VTI1A: variants seen among roughly 807,000 people sequenced by gnomAD.
The protein encoded by VTI1A is vesicle transport through interaction with t-SNAREs 1A.
A neutral mutation model predicts 34.9 loss-of-function variants in VTI1A; 22 were observed. The observed-to-expected ratio is 0.63, with a 90% confidence interval of 0.45 to 0.90. The LOEUF is 0.90. VTI1A is among the 40% of genes least tolerant of loss of function. The probability of loss-of-function intolerance (pLI) is 0.00; values close to 1 mark genes in which losing one functional copy is unlikely to be tolerated. For synonymous variants in VTI1A, 87 were observed against 97.3 expected, an observed-to-expected ratio of 0.89 and a Z score of 0.62; for missense variants, 268 against 275.6, an observed-to-expected ratio of 0.97 and a Z score of 0.20.
chr10:112,642,977 C>CTTTTTTT (rs58619611), intron 5 of VTI1A, among the ~76,000 whole-genome samples: 141 of 121,010 alleles, frequency 1.2e-3, no homozygotes, highest in Non-Finnish European at 1.5e-3. Flanking sequence ...TTTTTCTTTT[C>CTTTTTTT]TTTTTTTTTT....
chr10:112,476,698 G>T (rs1435689476), intron 3 of VTI1A, among the ~76,000 whole-genome samples: 1 of 152,134 alleles, frequency 6.6e-6, no homozygotes, highest in Admixed American at 6.5e-5. Flanking sequence ...TGGCCCTAGG[G>T]TTACAAAAGT....
At chr10:112,673,472 A>ACG in intron 7 of VTI1A, among the ~76,000 whole-genome samples, 1 of 151,530 alleles carries the variant, frequency 6.6e-6, no homozygotes, top group East Asian at 1.9e-4. Flanking sequence ...GCGCGCGCAC[A>ACG]CACACACACA....
chr10:112,622,807 G>A (rs7071099), intron 5 of VTI1A, among the ~76,000 whole-genome samples: 16,165 of 152,210 alleles, frequency 0.11, 932 homozygotes, highest in African/African-American at 0.13. Context: ...GAAGTAGATT[G>A]GTAGAAAGTT....
chr10:112,802,707 C>A (rs887312253), intron 7 of VTI1A, among the ~76,000 whole-genome samples: 5 of 152,160 alleles, frequency 3.3e-5, no homozygotes, highest in African/African-American at 1.2e-4. Flanking sequence ...GTTCAGATTT[C>A]TTGGAATGGA....
intron 4 of VTI1A, among the ~76,000 whole-genome samples, chr10:112,535,004 C>T (rs907191941): frequency 1.3e-5 from 2 of 152,128 alleles, no homozygotes; most frequent in African/African-American, 4.8e-5. Context: ...ACATTTTTGA[C>T]AGAAGATTTA....
chr10:112,650,558 A>G (rs1846971268), intron 5 of VTI1A, among the ~76,000 whole-genome samples: 1 of 152,212 alleles, frequency 6.6e-6, no homozygotes, highest in Non-Finnish European at 1.5e-5. Context: ...GTTTATTGTT[A>G]TCCAGCATTA....
At chr10:112,847,139 G>A in the VTI1A span, among the ~76,000 whole-genome samples, 1 of 152,216 alleles carries the variant, frequency 6.6e-6, no homozygotes, top group African/African-American at 2.4e-5. Flanking sequence ...AGAAATGGAT[G>A]ACAGGAGCTT....
At chr10:112,546,024 G>T (rs1178618957) in intron 5 of VTI1A, among the ~76,000 whole-genome samples, 1 of 138,814 alleles carries the variant, frequency 7.2e-6, no homozygotes, top group African/African-American at 3.1e-5. Flanking sequence ...GTATATACGT[G>T]TATACGCGTA....
intron 5 of VTI1A, among the ~76,000 whole-genome samples, chr10:112,592,552 C>T (rs922786143): frequency 2.0e-5 from 3 of 152,208 alleles, no homozygotes; most frequent in Admixed American, 2.0e-4. Flanking sequence ...TATCAGTTTA[C>T]CTATTTGCAT....
intron 5 of VTI1A, among the ~76,000 whole-genome samples, chr10:112,591,013 A>G (rs746927480): frequency 7.2e-5 from 11 of 152,204 alleles, no homozygotes; most frequent in Non-Finnish European, 1.3e-4. Flanking sequence ...AGGCAAGAGA[A>G]TCGCTTGAAC....
At chr10:112,561,699 T>C (rs1022423573) in intron 5 of VTI1A, among the ~76,000 whole-genome samples, 8 of 152,026 alleles carry the variant, frequency 5.3e-5, no homozygotes, top group Non-Finnish European at 1.0e-4. Context: ...ACTGAAAAAT[T>C]CTAGAATAAT....
intron 3 of VTI1A, chr10:112,485,204 C>T (rs1041769207): frequency 6.6e-6 from 1 of 151,936 alleles, no homozygotes; most frequent in Non-Finnish European, 1.5e-5. Flanking sequence ...ATTGCATGAA[C>T]CCGGGAGGTG....
intron 7 of VTI1A, among the ~76,000 whole-genome samples, chr10:112,721,677 A>C (rs1033905175): frequency 8.5e-5 from 13 of 152,144 alleles, no homozygotes; most frequent in African/African-American, 3.1e-4. Context: ...CCTCCGCCAT[A>C]ATGATGTGCT....
rs530190346 is a variant in VTI1A at position 112,798,105 on chromosome 10, C to T, written c.561-17185C>T. Among the ~76,000 whole-genome samples the T allele has an allele frequency of 5.3e-5, 8 of 152,302 alleles. No homozygotes were observed. The East Asian group carries it at 1.5e-3, about 29-fold the overall frequency. On this transcript the variant is annotated intron_variant, in intron 7 of 7. Coordinates refer to ENST00000393077, the MANE Select transcript of VTI1A (RefSeq NM_145206.4). ...AGCACAGTGAGCCCTGCAGGGCGCT[C>T]TGACCATCCTCCTTTCCTCAGGCTG...
chr10:112,700,813 G>A (rs1309873205), intron 7 of VTI1A, among the ~76,000 whole-genome samples: 2 of 152,188 alleles, frequency 1.3e-5, no homozygotes, highest in Non-Finnish European at 2.9e-5. Context: ...AAAAGTTACA[G>A]ATATTATATG....
At chr10:112,820,752 A>G (rs1286899691), downstream of VTI1A, among the ~76,000 whole-genome samples, 2 of 152,150 alleles carry the variant, frequency 1.3e-5, no homozygotes, top group Non-Finnish European at 1.5e-5. Context: ...TCCCATCTCT[A>G]TTGGGATTCC....
chr10:112,628,664 T>A (rs1846012290), intron 5 of VTI1A, among the ~76,000 whole-genome samples: 1 of 152,218 alleles, frequency 6.6e-6, no homozygotes, highest in South Asian at 2.1e-4. Flanking sequence ...TCTGTTCTCC[T>A]AGTATTGGAT....
chr10:112,463,627 TAA>T (rs77183033), intron 2 of VTI1A, among the ~76,000 whole-genome samples: 7 of 144,172 alleles, frequency 4.9e-5, no homozygotes, highest in Admixed American at 6.9e-5. Flanking sequence ...AGCAGGTTGT[TAA>T]AAAAAAAAAA....
At chr10:112,590,712 AATTT>A (rs1202753751) in intron 5 of VTI1A, among the ~76,000 whole-genome samples, 1 of 151,880 alleles carries the variant, frequency 6.6e-6, no homozygotes, top group Non-Finnish European at 1.5e-5. Flanking sequence ...AAATAAAATA[AATTT>A]ATTTATTTCA....
Sources: gnomAD v4.1 joint callset for allele counts (sites outside exome capture counted in the v4.1 genomes callset) on GRCh38, gnomAD v4.1.1 for gene constraint, MANE v1.5 for transcripts, NCBI Gene and HGNC (gene_info 2026-07-23, HGNC 2026-07-21) for gene names.